Variants in SEPTIN9 observed in about 807,000 individuals in gnomAD.
SEPTIN9 encodes the protein septin 9.
A neutral mutation model predicts 56.6 loss-of-function variants in SEPTIN9; 13 were observed. That is an observed-to-expected ratio of 0.23 (90% CI 0.15 to 0.37). The LOEUF (loss-of-function observed/expected upper bound fraction) is 0.37. Ranked by LOEUF, SEPTIN9 falls within the 10% of genes least tolerant of loss-of-function variation. SEPTIN9 has a pLI of 1.00. For missense variants in SEPTIN9, 650 were observed against 823.1 expected (o/e 0.79, Z 2.57); for synonymous variants, 332 against 334.1 (o/e 0.99, Z 0.07).
intron 2 of SEPTIN9, among the ~76,000 whole-genome samples, chr17:77,324,328 CCT>C (rs2033052429): frequency 6.6e-6 from 1 of 152,220 alleles, no homozygotes; most frequent in Admixed American, 6.5e-5. Context: ...CTTTCATCCC[CCT>C]GTTGTCCCCG....
intron 3 of SEPTIN9, among the ~76,000 whole-genome samples, chr17:77,426,745 G>T (rs1467499483): frequency 6.6e-6 from 1 of 152,188 alleles, no homozygotes; most frequent in Non-Finnish European, 1.5e-5. Flanking sequence ...TTTCTATGGG[G>T]CATGGATGAG....
intron 2 of SEPTIN9, among the ~76,000 whole-genome samples, chr17:77,350,610 A>AGAGTGTGTGTGTGT (rs141783843): frequency 1.3e-5 from 2 of 149,396 alleles, no homozygotes; most frequent in Non-Finnish European, 3.0e-5. Context: ...CCTCCAGTGC[A>AGAGTGTGTGTGTGT]GTGTGTGTGT....
chr17:77,476,724 G>GGT lies in SEPTIN9; in HGVS notation c.722-5419_722-5418dup. On this transcript the variant is annotated intron_variant, in intron 3 of 11. Transcript: ENST00000427177. The surrounding 1 kb of genome is among the most constrained non-coding windows in gnomAD (Gnocchi z 6.0). ...TGGGAACCTGCAGAGAAACTGTCAA[G>GGT]GTCTCCCGCCACCTGACACCTCCGC... Among the ~76,000 whole-genome samples, 1 of 152,314 alleles carries GGT rather than the reference G, an allele frequency of 6.6e-6. No homozygotes were observed. The highest frequency in any genetic ancestry group is 3.4e-3 in the Middle Eastern group (1 of 294).
At chr17:77,299,126 C>T (rs1243921049) in intron 1 of SEPTIN9, among the ~76,000 whole-genome samples, 1 of 152,216 alleles carries the variant, frequency 6.6e-6, no homozygotes, top group East Asian at 1.9e-4. Context: ...GAAGGGCAGT[C>T]CTGTCCAAGG....
rs372075148 is a variant in SEPTIN9 at position 77,402,718 on chromosome 17, G to A, written c.721+15G>A. 86 of 1,555,856 alleles carry A rather than the reference G, an allele frequency of 5.5e-5. 1 individual carries two copies. Among genetic ancestry groups the A allele is most frequent in the East Asian group, 3.4e-4 (15 of 44,430 alleles). ...GAGCCAGGAGGGTGAGTCGCAGAGCGCTAGGTCTTGGATGCTGTGGTAATG... is the reference window on the plus strand; with the variant it reads ...GAGCCAGGAGGGTGAGTCGCAGAGCACTAGGTCTTGGATGCTGTGGTAATG... On this transcript the variant is annotated intron_variant, in intron 3 of 11. Transcript: ENST00000427177. This position sits in a 1 kb window ranked among gnomAD's most constrained non-coding sequence, Gnocchi z 6.6.
intron 3 of SEPTIN9, among the ~76,000 whole-genome samples, chr17:77,424,528 A>G (rs2036826254): frequency 2.0e-5 from 3 of 152,108 alleles, no homozygotes; most frequent in Admixed American, 1.3e-4. Context: ...CAATACCTTG[A>G]CCTTCAAGGT....
chr17:77,373,852 C>T, intron 2 of SEPTIN9: 1 of 392,350 alleles, frequency 2.5e-6, no homozygotes, highest in East Asian at 4.4e-5. Context: ...TTTGTGTTTG[C>T]CAAGCGACAG....
At chr17:77,448,648 G>A (rs954562582) in intron 3 of SEPTIN9, among the ~76,000 whole-genome samples, 5 of 152,164 alleles carry the variant, frequency 3.3e-5, no homozygotes, top group African/African-American at 9.6e-5. Flanking sequence ...AAGGGGGAAA[G>A]AAAAGAATAT....
At chr17:77,292,576 C>A (rs1267658126) in intron 1 of SEPTIN9, among the ~76,000 whole-genome samples, 1 of 152,060 alleles carries the variant, frequency 6.6e-6, no homozygotes, top group African/African-American at 2.4e-5. Flanking sequence ...TCACTGCAAC[C>A]TCCGCCTCCC....
Position 77,449,180 on chromosome 17 carries a change from G to T in SEPTIN9, c.722-32964G>T, listed in dbSNP as rs900753090. Among the ~76,000 whole-genome samples, 1 of 152,186 alleles carries T rather than the reference G, an allele frequency of 6.6e-6. No homozygotes were observed. Among genetic ancestry groups the T allele is most frequent in the African/African-American group, 2.4e-5 (1 of 41,430 alleles). On this transcript the variant is annotated intron_variant, in intron 3 of 11. Coordinates refer to ENST00000427177, the MANE Select transcript of SEPTIN9 (RefSeq NM_001113491.2). The surrounding 1 kb of genome is among the most constrained non-coding windows in gnomAD (Gnocchi z 4.6). ...TGGAGGGTTGGACCGAGGGCCAGCC[G>T]AGAAGGCTCTGGGGCTGCTCTACCT...
At chr17:77,407,047 C>G (rs539717307) in intron 3 of SEPTIN9, among the ~76,000 whole-genome samples, 5 of 151,858 alleles carry the variant, frequency 3.3e-5, no homozygotes, top group Non-Finnish European at 7.4e-5. Flanking sequence ...CTTTGGAGGC[C>G]GAAGCAGGCA....
At chr17:77,460,638 C>T in intron 3 of SEPTIN9, among the ~76,000 whole-genome samples, 1 of 152,284 alleles carries the variant, frequency 6.6e-6, no homozygotes, top group South Asian at 2.1e-4. Flanking sequence ...GGGGGCCACC[C>T]CCAGCAGCTG....
intron 1 of SEPTIN9, among the ~76,000 whole-genome samples, chr17:77,284,757 G>A (rs527640397): frequency 6.6e-6 from 1 of 152,294 alleles, no homozygotes; most frequent in South Asian, 2.1e-4. Context: ...AGCCTCCTGA[G>A]TGGCTGGGAT....
chr17:77,411,328 C>A (rs2036287533), intron 3 of SEPTIN9, among the ~76,000 whole-genome samples: 1 of 151,868 alleles, frequency 6.6e-6, no homozygotes, highest in Non-Finnish European at 1.5e-5. Context: ...CTTCTGCTAC[C>A]AGCTTTTATT....
chr17:77,356,104 G>C lies in SEPTIN9; in HGVS notation c.77-45955G>C, dbSNP rs80195581. 3.5e-3 allele frequency among the ~76,000 whole-genome samples: 528 copies of C among 152,244 alleles called. 2 individuals carry two copies. Among genetic ancestry groups the C allele is most frequent in the African/African-American group, 0.012 (483 of 41,526 alleles). On this transcript the variant is annotated intron_variant, in intron 2 of 11. Transcript: ENST00000427177. ...CTAGACCCGGACATAAACGCCAGGA[G>C]ACCAGGGCTGCCCTCTCAGGTGACC...
chr17:77,495,796 C>T (rs2040232788), intron 10 of SEPTIN9, among the ~76,000 whole-genome samples: 1 of 152,214 alleles, frequency 6.6e-6, no homozygotes. Flanking sequence ...CGGCATAGCA[C>T]TGAGAGCACT....
intron 3 of SEPTIN9, chr17:77,442,110 A>G (rs2037567305): frequency 6.6e-6 from 1 of 152,220 alleles, no homozygotes; most frequent in Non-Finnish European, 1.5e-5. Context: ...GGGGCCCGTG[A>G]CTGGTCCGAA....
chr17:77,488,470 G>A, intron 6 of SEPTIN9, 149 bp downstream of exon 6: 1 of 859,310 alleles, frequency 1.2e-6, no homozygotes. Flanking sequence ...CACGTCTCAG[G>A]GGCCTGAAAA....
intron 3 of SEPTIN9, among the ~76,000 whole-genome samples, chr17:77,423,268 T>C (rs2036768232): frequency 6.6e-6 from 1 of 152,188 alleles, no homozygotes; most frequent in African/African-American, 2.4e-5. Context: ...ACTCCTGGCC[T>C]CAAGCGATCC....
Sources: allele counts gnomAD v4.1 joint callset (sites outside exome capture counted in the v4.1 genomes callset), GRCh38; gene constraint gnomAD v4.1.1; non-coding constraint Gnocchi (gnomAD v3.1); transcripts MANE v1.5; gene names NCBI Gene and HGNC (gene_info 2026-07-23, HGNC 2026-07-21).